Variants in DHX35 observed in about 807,000 individuals in gnomAD.
DHX35 encodes DEAH-box helicase 35, also known as probable ATP-dependent RNA helicase DHX35.
A neutral mutation model predicts 99.6 loss-of-function variants in DHX35; 84 were observed. The ratio of observed to expected loss-of-function variants is 0.84; its 90% confidence interval spans 0.71 to 1.01. DHX35 has a LOEUF of 1.01. Among genes scored for constraint, DHX35 ranks in the 50% least tolerant of loss-of-function variants. The probability of loss-of-function intolerance (pLI) is 0.00; values close to 1 mark genes in which losing one functional copy is unlikely to be tolerated. For missense variants in DHX35, 852 were observed against 888.5 expected (o/e 0.96, Z 0.52); for synonymous variants, 331 against 316.2 (o/e 1.05, Z -0.50).
intron 8 of DHX35, among the ~76,000 whole-genome samples, chr20:38,995,702 T>C (rs1235812646): frequency 2.4e-4 from 37 of 152,190 alleles, no homozygotes; most frequent in Non-Finnish European, 2.9e-5. Context: ...TGCAGTTCAG[T>C]GTGTTCAAAG....
intron 13 of DHX35, among the ~76,000 whole-genome samples, chr20:39,013,586 G>A (rs1443321059): frequency 6.6e-6 from 1 of 152,186 alleles, no homozygotes; most frequent in Non-Finnish European, 1.5e-5. Context: ...TTAATTGACT[G>A]GAAATCGGGC....
intron 11 of DHX35, among the ~76,000 whole-genome samples, chr20:39,004,151 C>T (rs1404287282): frequency 2.6e-5 from 4 of 152,180 alleles, no homozygotes; most frequent in Non-Finnish European, 5.9e-5. Context: ...CAAGCTCTGC[C>T]TCCCGGGTTC....
chr20:38,997,838 G>T (rs982675799), intron 8 of DHX35, among the ~76,000 whole-genome samples: 23 of 152,306 alleles, frequency 1.5e-4, no homozygotes, highest in African/African-American at 5.5e-4. Context: ...TGGCAGGGGG[G>T]TTGGGTGTGG....
At chr20:38,990,002 T>G (rs2086313476) in intron 5 of DHX35, among the ~76,000 whole-genome samples, 1 of 152,216 alleles carries the variant, frequency 6.6e-6, no homozygotes, top group African/African-American at 2.4e-5. Context: ...AATGTAGTGA[T>G]TTGTAAAAAT....
chr20:38,979,937 C>G (rs1406359590), intron 3 of DHX35, among the ~76,000 whole-genome samples: 1 of 150,602 alleles, frequency 6.6e-6, no homozygotes, highest in Non-Finnish European at 1.5e-5. Context: ...TGGTGGAGTT[C>G]TTCCTAATTC....
chr20:39,029,041 C>T (rs1459277656), intron 19 of DHX35: 1 of 153,824 alleles, frequency 6.5e-6, no homozygotes, highest in African/African-American at 2.4e-5. Flanking sequence ...ATGGTCTTTA[C>T]TATATTCAAA....
chr20:38,988,656 A>C (rs529308326), intron 4 of DHX35, 157 bp from the exon 5 acceptor site: 1 of 1,067,432 alleles, frequency 9.4e-7, no homozygotes, highest in South Asian at 1.9e-5. Flanking sequence ...AAAATTGCAA[A>C]AGTTATTATG....
chr20:39,010,414 G>T lies in DHX35; in HGVS notation c.1347+10G>T, dbSNP rs1448719416. The T allele has an allele frequency of 6.2e-7, 1 of 1,613,652 alleles. No homozygotes were observed. Among genetic ancestry groups the T allele is most frequent in the Non-Finnish European group, 8.5e-7 (1 of 1,179,774 alleles). ...GTTCCACTTCATGTCGGTAAGTCCT[G>T]CCTGCTGTCTGGGGCCATAGGGAGG... On this transcript the variant is annotated intron_variant, in intron 13 of 21. Transcript: ENST00000252011.
At chr20:38,999,811 C>T (rs1346865637) in intron 8 of DHX35, among the ~76,000 whole-genome samples, 1 of 152,246 alleles carries the variant, frequency 6.6e-6, no homozygotes. Context: ...ATTCAGCTCA[C>T]AGGTCTGATA....
At chr20:39,033,780 C>T (rs1162194382) in intron 20 of DHX35, among the ~76,000 whole-genome samples, 3 of 152,124 alleles carry the variant, frequency 2.0e-5, no homozygotes, top group Non-Finnish European at 2.9e-5. Context: ...TAACCTGGAC[C>T]CACATAAATT....
chr20:39,005,913 A>G (rs897861826), intron 11 of DHX35, among the ~76,000 whole-genome samples: 2 of 152,140 alleles, frequency 1.3e-5, no homozygotes, highest in African/African-American at 2.4e-5. Context: ...CTTATTATGT[A>G]GATGAGGAAA....
chr20:39,004,828 G>A (rs1240553579), intron 11 of DHX35, among the ~76,000 whole-genome samples: 3 of 152,186 alleles, frequency 2.0e-5, no homozygotes, highest in East Asian at 1.9e-4. Context: ...AATAGAGCAG[G>A]TGAGGGATGG....
chr20:38,980,152 T>C (rs1448316877), intron 3 of DHX35, among the ~76,000 whole-genome samples: 1 of 152,174 alleles, frequency 6.6e-6, no homozygotes, highest in Non-Finnish European at 1.5e-5. Context: ...CACAGGGTAT[T>C]GAGGTGACTA....
chr20:38,969,736 C>T (rs924434383), intron 2 of DHX35, among the ~76,000 whole-genome samples: 2 of 152,176 alleles, frequency 1.3e-5, no homozygotes, highest in African/African-American at 2.4e-5. Context: ...TTAGCGCTCA[C>T]GAAACAGATG....
At chr20:39,038,374 A>G in intron 21 of DHX35, 125 bp from the exon 22 acceptor site, 3 of 1,084,826 alleles carry the variant, frequency 2.8e-6, no homozygotes, top group Non-Finnish European at 2.7e-6. Context: ...TGAACAGCTC[A>G]GCATTTACTG....
intron 3 of DHX35, among the ~76,000 whole-genome samples, chr20:38,982,352 A>G (rs1292589782): frequency 2.0e-5 from 3 of 152,238 alleles, no homozygotes; most frequent in African/African-American, 2.4e-5. Flanking sequence ...GCCTTACAAC[A>G]TACAGTCAAG....
intron 13 of DHX35, among the ~76,000 whole-genome samples, chr20:39,011,857 C>A (rs1340517743): frequency 6.6e-6 from 1 of 152,138 alleles, no homozygotes; most frequent in African/African-American, 2.4e-5. Flanking sequence ...ATAGAACATA[C>A]AAATATCAAC....
chr20:39,019,518 G>A (rs145231684), intron 15 of DHX35, among the ~76,000 whole-genome samples: 2 of 152,102 alleles, frequency 1.3e-5, no homozygotes, highest in East Asian at 3.9e-4. Context: ...TGTTTATTGG[G>A]TATATAGCCA....
At position 39,026,320 on chromosome 20, in the gene DHX35, G is replaced by A. The variant is rs137902124; in HGVS notation, c.1801+961G>A. Among the ~76,000 whole-genome samples, 215 of 152,328 alleles carry A rather than the reference G, an allele frequency of 1.4e-3. 1 individual carries two copies. Among genetic ancestry groups the A allele is most frequent in the African/African-American group, 4.9e-3 (205 of 41,572 alleles). On this transcript the variant is annotated intron_variant, in intron 18 of 21. Transcript: ENST00000252011. ...AACTTGCTGAAGTTACACAGTGAGG[G>A]TATGATGGAGTCAGAACCTGAGCCC...
Sources: allele counts gnomAD v4.1 joint callset (sites outside exome capture counted in the v4.1 genomes callset), GRCh38; gene constraint gnomAD v4.1.1; transcripts MANE v1.5; gene names NCBI Gene and HGNC (gene_info 2026-07-23, HGNC 2026-07-21).